ADCY8: variants seen among roughly 807,000 people sequenced by gnomAD.
ADCY8 encodes the protein adenylate cyclase type 8.
ADCY8 carries 51 observed loss-of-function variants against 119.7 expected under a neutral mutation model. The ratio of observed to expected loss-of-function variants is 0.43; its 90% CI spans 0.34 to 0.54. The LOEUF (loss-of-function observed/expected upper bound fraction) is 0.54, where lower values mean the gene tolerates loss of function less well. ADCY8 is among the 20% of genes least tolerant of loss of function. The pLI, the probability that ADCY8 is intolerant of heterozygous loss-of-function variation, is 0.03. For synonymous variants in ADCY8, 665 were observed against 651.0 expected (o/e 1.02, Z -0.33); for missense variants, 1,383 against 1,598.8 (o/e 0.87, Z 2.30).
chr8:130,827,055 A>G (rs1816690490), intron 12 of ADCY8, among the ~76,000 whole-genome samples: 1 of 152,204 alleles, frequency 6.6e-6, no homozygotes, highest in African/African-American at 2.4e-5. Flanking sequence ...CCCAGAACTT[A>G]AAGTATAAAA....
intron 13 of ADCY8, among the ~76,000 whole-genome samples, chr8:130,818,385 C>A (rs1365897501): frequency 6.6e-6 from 1 of 152,222 alleles, no homozygotes; most frequent in Non-Finnish European, 1.5e-5. Context: ...AAAGCCCAAA[C>A]CTCCAGGGCT....
chr8:130,928,320 A>C (rs1820532412), intron 5 of ADCY8, among the ~76,000 whole-genome samples: 2 of 152,074 alleles, frequency 1.3e-5, no homozygotes, highest in African/African-American at 2.4e-5. Flanking sequence ...CTATCCTCCC[A>C]CCTTGGCCTC....
chr8:131,030,007 A>G (rs1035638112), intron 1 of ADCY8, among the ~76,000 whole-genome samples: 17 of 152,214 alleles, frequency 1.1e-4, no homozygotes, highest in Admixed American at 1.0e-3. Context: ...ATAAGATACA[A>G]TTCTTGACCT....
In ADCY8 at chr8:131,040,277, G is replaced by T. The variant is rs1006716734; in HGVS notation, c.57C>A (p.His19Gln). The T allele has an allele frequency of 6.4e-7, 1 of 1,567,992 alleles. No individual in the cohort carries two copies. The highest frequency in any genetic ancestry group is 1.8e-5 in the Admixed American group (1 of 55,072). The change falls in exon 1 of 18, where the codon CAC (histidine) becomes CAA (glutamine). Residue 19 changes from histidine (H) to glutamine (Q), a missense_variant. Around this residue, in one of 2 missense-constraint regions of ADCY8, gnomAD observed 455 missense variants for 435.3 expected, o/e 1.05. Transcript: ENST00000286355. The part of the protein sequence containing the change: ...LTGSEELYTI[H>Q]PTPPAGDGRS... ...TGCCGTCGCCGGCCGGGGGCGTCGG[G>T]TGGATGGTGTAGAGTTCCTCGCTGC...
intron 4 of ADCY8, among the ~76,000 whole-genome samples, chr8:130,941,245 T>C (rs1009953365): frequency 1.3e-5 from 2 of 152,230 alleles, no homozygotes; most frequent in African/African-American, 4.8e-5. Context: ...CCTGGAAGCC[T>C]GGTCTTCCTG....
intron 12 of ADCY8, among the ~76,000 whole-genome samples, chr8:130,835,549 C>G (rs530787633): frequency 6.6e-6 from 1 of 152,096 alleles, no homozygotes; most frequent in African/African-American, 2.4e-5. Context: ...TTAGCCTTGC[C>G]TTGGGCTGTT....
intron 5 of ADCY8, among the ~76,000 whole-genome samples, chr8:130,923,388 C>T (rs1242822261): frequency 6.6e-6 from 1 of 152,144 alleles, no homozygotes; most frequent in African/African-American, 2.4e-5. Flanking sequence ...TTCTGTTTTT[C>T]GTTTCTTGTC....
intron 8 of ADCY8, among the ~76,000 whole-genome samples, chr8:130,869,805 C>T (rs1409692238): frequency 1.3e-5 from 2 of 152,078 alleles, no homozygotes; most frequent in Non-Finnish European, 2.9e-5. Flanking sequence ...GCGTGAGCCA[C>T]TGCACCCGGC....
intron 1 of ADCY8, among the ~76,000 whole-genome samples, chr8:131,028,565 A>C (rs1823894252): frequency 6.6e-6 from 1 of 152,112 alleles, no homozygotes; most frequent in Admixed American, 6.5e-5. Flanking sequence ...AAAAAGAACT[A>C]AAAAGACTCA....
chr8:130,874,762 T>C (rs1201061687), intron 8 of ADCY8, among the ~76,000 whole-genome samples: 3 of 152,082 alleles, frequency 2.0e-5, no homozygotes. Flanking sequence ...AGAAAAACTT[T>C]TAAAAACCTT....
chr8:130,991,593 A>G (rs1586636468), intron 1 of ADCY8, among the ~76,000 whole-genome samples: 1 of 152,246 alleles, frequency 6.6e-6, no homozygotes. Flanking sequence ...GTGAAACGGA[A>G]CAAAACAAAA....
intron 2 of ADCY8, among the ~76,000 whole-genome samples, chr8:130,958,413 A>G (rs1486939386): frequency 6.6e-6 from 1 of 152,152 alleles, no homozygotes; most frequent in Non-Finnish European, 1.5e-5. Flanking sequence ...CAGTGGTCAC[A>G]TGCTCCTGGC....
chr8:130,822,445 G>T, intron 12 of ADCY8, among the ~76,000 whole-genome samples: 1 of 152,244 alleles, frequency 6.6e-6, no homozygotes, highest in African/African-American at 2.4e-5. Flanking sequence ...AGTGAAGAGG[G>T]CTGGACTGTG....
chr8:130,792,421 C>G (rs1815451925), intron 15 of ADCY8, among the ~76,000 whole-genome samples: 1 of 152,178 alleles, frequency 6.6e-6, no homozygotes, highest in South Asian at 2.1e-4. Context: ...ACTGCATGCC[C>G]TGCCTTGACC....
At chr8:130,907,558 T>C (rs915729029) in intron 6 of ADCY8, among the ~76,000 whole-genome samples, 1 of 152,100 alleles carries the variant, frequency 6.6e-6, no homozygotes, top group African/African-American at 2.4e-5. Flanking sequence ...CAGTCCAAAA[T>C]TACAGTGAAG....
intron 14 of ADCY8, among the ~76,000 whole-genome samples, chr8:130,808,371 G>C (rs1334847353): frequency 6.6e-6 from 1 of 152,160 alleles, no homozygotes; most frequent in African/African-American, 2.4e-5. Flanking sequence ...AAATAGCAAT[G>C]ACTCACATAT....
intron 4 of ADCY8, among the ~76,000 whole-genome samples, chr8:130,942,190 T>C (rs926897818): frequency 6.6e-6 from 1 of 152,236 alleles, no homozygotes; most frequent in African/African-American, 2.4e-5. Context: ...GTATCTGGTT[T>C]CTTTCACTTG....
intron 1 of ADCY8, among the ~76,000 whole-genome samples, chr8:131,015,345 G>A (rs1300084384): frequency 1.3e-5 from 2 of 152,206 alleles, no homozygotes; most frequent in Middle Eastern, 3.2e-3. Context: ...TTTAGGTGGA[G>A]TAGCCAGGGA....
chr8:130,906,965 A>T (rs67929083), intron 6 of ADCY8, among the ~76,000 whole-genome samples: 16,676 of 151,992 alleles, frequency 0.11, 947 homozygotes, highest in Non-Finnish European at 0.12. Context: ...CCCAAATCAT[A>T]TTAGTGGTTA....
Sources: allele counts gnomAD v4.1 joint callset (sites outside exome capture counted in the v4.1 genomes callset), GRCh38; gene constraint gnomAD v4.1.1; regional missense constraint gnomAD v4.1.1; transcripts MANE v1.5; gene names NCBI Gene and HGNC (gene_info 2026-07-23, HGNC 2026-07-21).